The following AKAP19 variants were observed in gnomAD, a reference collection of about 807,000 sequenced individuals.
AKAP19 encodes the protein small A-kinase anchoring protein.
chr2:189,965,952 A>ATGTG, the AKAP19 span, among the ~76,000 whole-genome samples: 88 of 149,904 alleles, frequency 5.9e-4, no homozygotes, highest in African/African-American at 7.3e-4. Context: ...GTATGTATGT[A>ATGTG]TGTGTGTGTG....
the AKAP19 span, among the ~76,000 whole-genome samples, chr2:190,136,830 T>C: frequency 6.6e-6 from 1 of 152,216 alleles, no homozygotes. Context: ...AGCAAAAGGA[T>C]AAGAACCAAG....
At chr2:189,978,653 T>A in the AKAP19 span, among the ~76,000 whole-genome samples, 1 of 152,190 alleles carries the variant, frequency 6.6e-6, no homozygotes, top group Non-Finnish European at 1.5e-5. Context: ...AACATGGTAT[T>A]TGATTTTCTG....
chr2:190,156,626 A>T, the AKAP19 span, among the ~76,000 whole-genome samples: 1 of 152,206 alleles, frequency 6.6e-6, no homozygotes, highest in Admixed American at 6.5e-5. Flanking sequence ...AGATTTGCAG[A>T]AAAGGGAATC....
chr2:189,999,926 G>T, the AKAP19 span, among the ~76,000 whole-genome samples: 1 of 152,202 alleles, frequency 6.6e-6, no homozygotes, highest in Non-Finnish European at 1.5e-5. Context: ...TATATTCCGA[G>T]TTTGGGGCTG....
the AKAP19 span, among the ~76,000 whole-genome samples, chr2:189,950,347 G>GT: frequency 3.7e-3 from 359 of 96,742 alleles, 2 homozygotes; most frequent in African/African-American, 4.9e-3. Context: ...TTTTTTTTTT[G>GT]TTTTTTTTTT....
At chr2:190,044,075 G>A in the AKAP19 span, among the ~76,000 whole-genome samples, 1 of 152,194 alleles carries the variant, frequency 6.6e-6, no homozygotes, top group Admixed American at 6.5e-5. Flanking sequence ...TTTCCTCACA[G>A]TTGCAGCTGT....
chr2:190,091,858 A>C, the AKAP19 span, among the ~76,000 whole-genome samples: 1 of 152,168 alleles, frequency 6.6e-6, no homozygotes, highest in Non-Finnish European at 1.5e-5. Flanking sequence ...AATTTATAAA[A>C]TATAGAAAAC....
the AKAP19 span, among the ~76,000 whole-genome samples, chr2:189,955,307 T>G: frequency 6.6e-6 from 1 of 152,182 alleles, no homozygotes; most frequent in African/African-American, 2.4e-5. Context: ...TGTTTTTTGT[T>G]TTTTTTGCTA....
the AKAP19 span, among the ~76,000 whole-genome samples, chr2:190,007,133 C>G: frequency 2.0e-5 from 3 of 152,178 alleles, no homozygotes; most frequent in East Asian, 1.9e-4. Flanking sequence ...CATTTAATCA[C>G]AGTAGAGAAG....
the AKAP19 span, among the ~76,000 whole-genome samples, chr2:189,976,631 C>T: frequency 6.5e-3 from 989 of 152,344 alleles, 14 homozygotes; most frequent in African/African-American, 0.022. Flanking sequence ...CCACCCAGTT[C>T]GAGCTTCCTG....
At chr2:190,055,268 G>C in the AKAP19 span, among the ~76,000 whole-genome samples, 1 of 138,484 alleles carries the variant, frequency 7.2e-6, no homozygotes, top group Non-Finnish European at 1.5e-5. Context: ...TCATAGGTGG[G>C]AATTGAACAA....
the AKAP19 span, among the ~76,000 whole-genome samples, chr2:189,914,861 A>C: frequency 6.6e-6 from 1 of 152,132 alleles, no homozygotes; most frequent in Non-Finnish European, 1.5e-5. Context: ...AAAGTCTTAC[A>C]GCTAGGAAGT....
the AKAP19 span, among the ~76,000 whole-genome samples, chr2:189,924,423 TTTG>T: frequency 1.3e-5 from 2 of 152,210 alleles, no homozygotes; most frequent in African/African-American, 2.4e-5. Flanking sequence ...TCCTAGTAGT[TTTG>T]TTAAGTCTTA....
chr2:189,971,304 T>G, the AKAP19 span, among the ~76,000 whole-genome samples: 87 of 152,310 alleles, frequency 5.7e-4, no homozygotes, highest in African/African-American at 2.0e-3. Context: ...CCCTACAAAG[T>G]ACATGAACTC....
At chr2:190,077,723 A>G in the AKAP19 span, among the ~76,000 whole-genome samples, 640 of 152,236 alleles carry the variant, frequency 4.2e-3, 8 homozygotes, top group African/African-American at 0.014. Flanking sequence ...GTACAGCTGA[A>G]GTTTGTTGTC....
the AKAP19 span, among the ~76,000 whole-genome samples, chr2:189,939,091 G>C: frequency 6.6e-6 from 1 of 152,158 alleles, no homozygotes; most frequent in East Asian, 1.9e-4. Context: ...GTGTGTGAAG[G>C]AAGAAATATT....
chr2:189,928,459 A>T, the AKAP19 span, among the ~76,000 whole-genome samples: 1 of 152,176 alleles, frequency 6.6e-6, no homozygotes, highest in Non-Finnish European at 1.5e-5. Context: ...AAACACAAGA[A>T]TAAAAAAAGC....
the AKAP19 span, among the ~76,000 whole-genome samples, chr2:189,961,899 G>A: frequency 1.7e-4 from 25 of 150,542 alleles, no homozygotes; most frequent in African/African-American, 4.9e-4. Flanking sequence ...GTGACAGAGC[G>A]AGACTCTGTC....
chr2:190,058,517 A>G, the AKAP19 span, among the ~76,000 whole-genome samples: 2 of 151,988 alleles, frequency 1.3e-5, no homozygotes, highest in Non-Finnish European at 2.9e-5. Context: ...AAACTAGATC[A>G]TTTAGAAAAT....
Sources: gnomAD v4.1 joint callset for allele counts (sites outside exome capture counted in the v4.1 genomes callset) on GRCh38, gnomAD v4.1.1 for gene constraint, MANE v1.5 for transcripts, NCBI Gene and HGNC (gene_info 2026-07-23, HGNC 2026-07-21) for gene names.